The following EPB41L5 variants were observed in gnomAD, a reference collection of about 807,000 sequenced individuals.
EPB41L5 encodes band 4.1-like protein 5.
A neutral mutation model predicts 106.6 loss-of-function variants in EPB41L5; 55 were observed. The ratio of observed to expected loss-of-function variants is 0.52; its 90% CI spans 0.42 to 0.65. EPB41L5 has a LOEUF of 0.65. Ranked by LOEUF, EPB41L5 falls within the 30% of genes least tolerant of loss-of-function variation. The pLI is 0.00. For missense variants in EPB41L5, 871 were observed against 882.1 expected (o/e 0.99, Z 0.16); for synonymous variants, 297 against 306.7 (o/e 0.97, Z 0.33).
intron 3 of EPB41L5, among the ~76,000 whole-genome samples, chr2:120,065,674 G>A (rs1681399192): frequency 6.6e-6 from 1 of 151,594 alleles, no homozygotes; most frequent in South Asian, 2.1e-4. Flanking sequence ...CTGCCACCAC[G>A]CCCAGCTAAT....
intron 18 of EPB41L5, among the ~76,000 whole-genome samples, chr2:120,141,790 A>G (rs972634665): frequency 1.3e-5 from 2 of 152,134 alleles, no homozygotes; most frequent in Non-Finnish European, 2.9e-5. Context: ...AAGAGCTATT[A>G]TGTGAAAGAG....
In EPB41L5 at chr2:120,167,067, C is replaced by A. The variant is rs185588038; in HGVS notation, c.1963-399C>A. 2.6e-4 allele frequency among the ~76,000 whole-genome samples: 39 copies of A among 152,254 alleles called. No homozygotes were observed. The East Asian group carries it at 6.0e-3, about 23-fold the overall frequency. ...CTTGTTGCTCTTTATTTGGATTAGT[C>A]ACAATCCATTGTTCAGGCTGCTACC... On this transcript the variant is annotated intron_variant, in intron 22 of 24. Transcript: ENST00000263713.
chr2:120,100,119 C>A, intron 14 of EPB41L5, 125 bp from the exon 15 acceptor site: 1 of 701,642 alleles, frequency 1.4e-6, no homozygotes, highest in Non-Finnish European at 2.3e-6. Flanking sequence ...TAGTTTTATT[C>A]TTTATTTGAA....
intron 10 of EPB41L5, among the ~76,000 whole-genome samples, chr2:120,080,181 C>A (rs1171316532): frequency 6.6e-6 from 1 of 151,208 alleles, no homozygotes; most frequent in Non-Finnish European, 1.5e-5. Flanking sequence ...CGTATGTATA[C>A]ATGCGCCAAG....
intron 3 of EPB41L5, among the ~76,000 whole-genome samples, chr2:120,072,292 T>A (rs1290904076): frequency 1.3e-5 from 2 of 152,188 alleles, no homozygotes. Flanking sequence ...CAACAGGTGC[T>A]GGAGAGGATG....
intron 20 of EPB41L5, among the ~76,000 whole-genome samples, chr2:120,152,310 G>A: frequency 6.6e-6 from 1 of 152,096 alleles, no homozygotes; most frequent in East Asian, 1.9e-4. Flanking sequence ...TGTTAATATG[G>A]TGTGGTTTTC....
intron 14 of EPB41L5, among the ~76,000 whole-genome samples, chr2:120,096,089 C>T (rs1683735423): frequency 6.6e-6 from 1 of 151,964 alleles, no homozygotes. Flanking sequence ...AAGATTCAGA[C>T]CATACCCACA....
chr2:120,140,665 G>A (rs891711030), intron 18 of EPB41L5, among the ~76,000 whole-genome samples: 2 of 151,914 alleles, frequency 1.3e-5, no homozygotes, highest in African/African-American at 4.8e-5. Context: ...TTGGATTTTC[G>A]TATTTGGAAT....
chr2:120,086,548 G>A (rs2105355003), intron 10 of EPB41L5, among the ~76,000 whole-genome samples: 1 of 152,204 alleles, frequency 6.6e-6, no homozygotes, highest in South Asian at 2.1e-4. Context: ...GATCACTTGA[G>A]CCCAGGAATT....
chr2:120,144,646 A>T (rs1333514017), intron 19 of EPB41L5, among the ~76,000 whole-genome samples: 2 of 152,238 alleles, frequency 1.3e-5, no homozygotes, highest in Non-Finnish European at 2.9e-5. Context: ...TTTCAAAAAG[A>T]TAGAAGAGGA....
intron 3 of EPB41L5, among the ~76,000 whole-genome samples, chr2:120,051,600 T>C (rs1370692872): frequency 2.0e-5 from 3 of 152,204 alleles, no homozygotes; most frequent in African/African-American, 7.2e-5. Context: ...CTGTCACAGC[T>C]TCCCTTGGCT....
chr2:120,100,210 A>T (rs775131954), intron 14 of EPB41L5, 34 bp from the exon 15 acceptor site: 18 of 1,577,366 alleles, frequency 1.1e-5, no homozygotes, highest in Middle Eastern at 1.7e-4. Context: ...AATTTCATAT[A>T]GGGTTTTTAA....
Position 120,078,483 on chromosome 2 carries a change from C to T in EPB41L5, c.715-10C>T, listed in dbSNP as rs1277061373. 2 of 1,582,112 alleles carry T rather than the reference C, an allele frequency of 1.3e-6. No homozygotes were observed. The highest frequency in any genetic ancestry group is 2.3e-5 in the South Asian group (2 of 85,676). ...AATAAAGCTAACACATTTTTCTCCC[C>T]TTAAATTAGGCTAGAGATGGGAATG... On this transcript the variant is annotated splice_polypyrimidine_tract_variant and intron_variant, in intron 9 of 24. Transcript: ENST00000263713.
At chr2:120,127,203 C>G (rs1042418786) in intron 16 of EPB41L5, among the ~76,000 whole-genome samples, 2 of 151,990 alleles carry the variant, frequency 1.3e-5, no homozygotes, top group Admixed American at 6.6e-5. Flanking sequence ...GAGGGCAGAC[C>G]AGTCCCTTTC....
chr2:120,109,495 G>C (rs905882465), intron 16 of EPB41L5, among the ~76,000 whole-genome samples: 2 of 152,106 alleles, frequency 1.3e-5, no homozygotes, highest in African/African-American at 4.8e-5. Context: ...GAACTTACCT[G>C]CATTTGGGAA....
At chr2:120,146,053 G>C (rs566869075) in intron 19 of EPB41L5, among the ~76,000 whole-genome samples, 172 bp from the exon 20 acceptor site, 37 of 152,182 alleles carry the variant, frequency 2.4e-4, no homozygotes, top group Non-Finnish European at 4.0e-4. Flanking sequence ...TTAGGTATGG[G>C]GTAAGATTGT....
chr2:120,103,944 C>A, intron 16 of EPB41L5: 2 of 1,167,866 alleles, frequency 1.7e-6, no homozygotes, highest in Non-Finnish European at 2.2e-6. Flanking sequence ...GGTAACTACT[C>A]ATAGCAGCAG....
At chr2:120,049,178 C>T (rs890863275) in intron 3 of EPB41L5, among the ~76,000 whole-genome samples, 3 of 152,186 alleles carry the variant, frequency 2.0e-5, no homozygotes, top group Admixed American at 1.3e-4. Flanking sequence ...TCTATTAGGT[C>T]TGCATGGTGC....
At chr2:120,115,976 A>G (rs919886625) in intron 16 of EPB41L5, among the ~76,000 whole-genome samples, 3 of 150,636 alleles carry the variant, frequency 2.0e-5, no homozygotes, top group African/African-American at 4.9e-5. Context: ...CACTCAGCTA[A>G]TTTTTTGTAT....
Sources: allele counts gnomAD v4.1 joint callset (sites outside exome capture counted in the v4.1 genomes callset), GRCh38; gene constraint gnomAD v4.1.1; transcripts MANE v1.5; gene names NCBI Gene and HGNC (gene_info 2026-07-23, HGNC 2026-07-21).